Variants in UNC80 observed in about 807,000 individuals in gnomAD.
The protein encoded by UNC80 is protein unc-80 homolog.
UNC80 carries 164 observed loss-of-function variants against 384.6 expected under a neutral mutation model. The observed-to-expected ratio is 0.43, with a 90% confidence interval of 0.38 to 0.49. UNC80 has a LOEUF of 0.49. Among genes scored for constraint, UNC80 ranks in the 20% least tolerant of loss-of-function variants. The probability of loss-of-function intolerance (pLI) is 0.00; values close to 1 mark genes in which losing one functional copy is unlikely to be tolerated. For synonymous variants in UNC80, 1,486 were observed against 1,527.8 expected (o/e 0.97, Z 0.64); for missense variants, 3,330 against 4,143.0 (o/e 0.80, Z 5.39).
In UNC80 at chr2:209,812,463, T is replaced by C. The variant is rs574024968; in HGVS notation, c.939-1117T>C. Among the ~76,000 whole-genome samples, 12 of 152,258 alleles carry C rather than the reference T, an allele frequency of 7.9e-5. No individual in the cohort carries two copies. The East Asian group carries it at 1.9e-3, about 24-fold the overall frequency. On this transcript the variant is annotated intron_variant, in intron 7 of 64. Coordinates refer to ENST00000673920, the MANE Select transcript of UNC80 (RefSeq NM_001371986.1). ...CGTAGATTTTTTAATTAAAAAAATA[T>C]GAGCCTAAGAAGTTTAGGAAAATCC...
At chr2:209,884,629 A>G (rs376864261) in intron 25 of UNC80, among the ~76,000 whole-genome samples, 4 of 152,236 alleles carry the variant, frequency 2.6e-5, no homozygotes, top group African/African-American at 7.2e-5. Context: ...TCACAGTAGC[A>G]AAGACATGGA....
At chr2:209,908,102 T>C (rs1192058536) in intron 29 of UNC80, among the ~76,000 whole-genome samples, 2 of 152,252 alleles carry the variant, frequency 1.3e-5, no homozygotes, top group Non-Finnish European at 2.9e-5. Flanking sequence ...CTTTCTCTCA[T>C]GATACTTTTC....
At chr2:209,913,777 A>G (rs2089223134) in intron 30 of UNC80, 25 bp from the exon 31 acceptor site, 4 of 1,533,630 alleles carry the variant, frequency 2.6e-6, no homozygotes, top group African/African-American at 1.4e-5. Context: ...AAAGATTTTA[A>G]AACATGATTT....
chr2:209,931,576 T>C (rs138091668), intron 38 of UNC80, among the ~76,000 whole-genome samples: 203 of 152,300 alleles, frequency 1.3e-3, no homozygotes, highest in African/African-American at 4.6e-3. Context: ...ATATGCAGTT[T>C]GGGGACTAGA....
At chr2:209,882,565 T>G (rs2085395567) in intron 25 of UNC80, among the ~76,000 whole-genome samples, 1 of 152,228 alleles carries the variant, frequency 6.6e-6, no homozygotes, top group Admixed American at 6.5e-5. Context: ...CTACTGCCCT[T>G]ATGTAATTTC....
intron 35 of UNC80, among the ~76,000 whole-genome samples, chr2:209,925,165 G>GA (rs907324769): frequency 1.4e-4 from 21 of 151,350 alleles, no homozygotes; most frequent in African/African-American, 5.1e-4. Context: ...TGAAAGCTCC[G>GA]AAAAAAGTGT....
In UNC80 at chr2:209,775,980, T is replaced by C; in HGVS notation, c.233T>C (p.Val78Ala). 1 of 1,614,186 alleles carries C rather than the reference T, an allele frequency of 6.2e-7. No homozygotes were observed. The highest frequency in any genetic ancestry group is 8.5e-7 in the Non-Finnish European group (1 of 1,180,038). ...CAGAGCATTTCCAGATGGGAACTGG[T>C]GCAAGCTGCTTTGCCTCATGTCCTC... ...AIQSISRWEL[V>A]QAALPHVLHC... Residue 78 changes from valine to alanine, a missense_variant, in exon 3 of 65, where the codon GTG (valine) becomes GCG (alanine). Val to Ala is a moderately conservative substitution (Grantham distance 64, BLOSUM62 0). Around this residue, in one of 8 missense-constraint regions of UNC80, gnomAD observed 86 missense variants for 141.5 expected, o/e 0.61. Coordinates refer to ENST00000673920, the MANE Select transcript of UNC80 (RefSeq NM_001371986.1).
At chr2:209,916,408 C>A (rs1013510361) in intron 31 of UNC80, among the ~76,000 whole-genome samples, 5 of 152,114 alleles carry the variant, frequency 3.3e-5, no homozygotes, top group African/African-American at 4.8e-5. Flanking sequence ...AAATGGTATA[C>A]AAATACCATT....
chr2:209,910,104 G>C (rs1409684052), intron 29 of UNC80, among the ~76,000 whole-genome samples: 1 of 151,098 alleles, frequency 6.6e-6, no homozygotes, highest in Non-Finnish European at 1.5e-5. Context: ...CTCAAGACTA[G>C]TAACCCAAGA....
At chr2:209,879,909 T>C (rs553703627) in intron 24 of UNC80, among the ~76,000 whole-genome samples, 1 of 152,312 alleles carries the variant, frequency 6.6e-6, no homozygotes, top group South Asian at 2.1e-4. Flanking sequence ...AGACCGTAAT[T>C]TCCACCTATT....
chr2:209,796,313 A>G (rs1039012093), intron 7 of UNC80: 1 of 152,242 alleles, frequency 6.6e-6, no homozygotes, highest in Non-Finnish European at 1.5e-5. Context: ...CATTGTATCT[A>G]GGAAGTAACT....
At chr2:209,992,993 A>G (rs2093419577) in intron 62 of UNC80, among the ~76,000 whole-genome samples, 1 of 152,248 alleles carries the variant, frequency 6.6e-6, no homozygotes, top group South Asian at 2.1e-4. Flanking sequence ...ATGTCCAGCT[A>G]TAAGTTTTAA....
intron 3 of UNC80, 116 bp downstream of exon 3, chr2:209,776,161 T>A: frequency 7.7e-7 from 1 of 1,294,740 alleles, no homozygotes; most frequent in Non-Finnish European, 1.0e-6. Flanking sequence ...ATATATTATC[T>A]CATTTAATTA....
intron 26 of UNC80, among the ~76,000 whole-genome samples, chr2:209,891,340 TA>T (rs1285186063): frequency 2.6e-5 from 4 of 152,166 alleles, no homozygotes; most frequent in Non-Finnish European, 5.9e-5. Flanking sequence ...ATCAAATGAA[TA>T]TTTTTTTCAA....
At chr2:209,953,847 T>A (rs2092299214) in intron 47 of UNC80, among the ~76,000 whole-genome samples, 1 of 152,216 alleles carries the variant, frequency 6.6e-6, no homozygotes, top group Admixed American at 6.5e-5. Context: ...TATTTGTATA[T>A]ATGGCTAATT....
chr2:209,894,568 A>T (rs2086636742), intron 27 of UNC80, among the ~76,000 whole-genome samples: 1 of 152,156 alleles, frequency 6.6e-6, no homozygotes, highest in Admixed American at 6.5e-5. Flanking sequence ...GGGTCACTGG[A>T]GAGGCTTGTT....
At chr2:209,920,422 C>G (rs1458430767) in intron 33 of UNC80, among the ~76,000 whole-genome samples, 2 of 152,190 alleles carry the variant, frequency 1.3e-5, no homozygotes, top group Non-Finnish European at 2.9e-5. Flanking sequence ...TGCTCAGAGG[C>G]CACTGACTCT....
At chr2:209,912,242 A>G (rs1033034288) in intron 29 of UNC80, among the ~76,000 whole-genome samples, 8 of 151,984 alleles carry the variant, frequency 5.3e-5, no homozygotes, top group Non-Finnish European at 8.8e-5. Context: ...AAATGGGGAG[A>G]TCCTTGTCCT....
intron 56 of UNC80, 52 bp downstream of exon 56, chr2:209,973,322 A>T (rs1230697925): frequency 7.0e-7 from 1 of 1,433,930 alleles, no homozygotes. Context: ...ATGTATATGT[A>T]TGTGAAAATA....
Sources: gnomAD v4.1 joint callset for allele counts (sites outside exome capture counted in the v4.1 genomes callset) on GRCh38, gnomAD v4.1.1 for gene constraint, gnomAD v4.1.1 regional missense constraint, MANE v1.5 for transcripts, NCBI Gene and HGNC (gene_info 2026-07-23, HGNC 2026-07-21) for gene names.